The following PTPRG variants were observed in gnomAD, a reference collection of about 807,000 sequenced individuals.
PTPRG encodes receptor-type tyrosine-protein phosphatase gamma.
Under a neutral mutation model 165.3 loss-of-function variants are expected in PTPRG, and 102 were observed. That is an observed-to-expected ratio of 0.62 (90% CI 0.53 to 0.73). The LOEUF (loss-of-function observed/expected upper bound fraction) is 0.73. Among genes scored for constraint, PTPRG ranks in the 30% least tolerant of loss-of-function variants. The pLI, the probability that PTPRG is intolerant of heterozygous loss-of-function variation, is 0.00. For missense variants in PTPRG, 1,866 were observed against 1,861.4 expected (o/e 1.00, Z -0.05); for synonymous variants, 675 against 669.5 (o/e 1.01, Z -0.13).
rs1176809812 is a variant in PTPRG, at chr3:62,245,600, C to T, written c.2467+1702C>T. Among the ~76,000 whole-genome samples, 1 of 152,146 alleles carries T rather than the reference C, an allele frequency of 6.6e-6. No homozygotes were observed. Among genetic ancestry groups the T allele is most frequent in the African/African-American group, 2.4e-5 (1 of 41,454 alleles). On this transcript the variant is annotated intron_variant, in intron 15 of 29. Coordinates refer to ENST00000474889, the MANE Select transcript of PTPRG (RefSeq NM_002841.4). This position sits in a 1 kb window ranked among gnomAD's most constrained non-coding sequence, Gnocchi z 4.2. ...AAATCTTTGTTCAGTGCCTTCACCT[C>T]TCTGAACCTTAGTTTCCAGAATCTG...
intron 2 of PTPRG, among the ~76,000 whole-genome samples, chr3:61,886,961 G>A (rs543303517): frequency 2.7e-5 from 4 of 150,480 alleles, no homozygotes; most frequent in South Asian, 2.1e-4. Flanking sequence ...GTCAAACAGC[G>A]CACAGTGTTC....
chr3:61,841,013 C>G (rs896952953), intron 2 of PTPRG, among the ~76,000 whole-genome samples: 2 of 152,030 alleles, frequency 1.3e-5, no homozygotes, highest in East Asian at 1.9e-4. Flanking sequence ...AACTCCTGAC[C>G]TCAAGTGATC....
chr3:62,085,269 AG>A (rs2106777947), intron 5 of PTPRG, among the ~76,000 whole-genome samples: 1 of 152,348 alleles, frequency 6.6e-6, no homozygotes, highest in African/African-American at 2.4e-5. Flanking sequence ...TCACCCAAAA[AG>A]GTTGCTGTTT....
At chr3:61,714,329 G>T (rs1001572856) in intron 1 of PTPRG, among the ~76,000 whole-genome samples, 1 of 152,160 alleles carries the variant, frequency 6.6e-6, no homozygotes, top group African/African-American at 2.4e-5. Context: ...CTCCCTTGTA[G>T]TTAGCCATGG....
At chr3:61,676,989 G>A (rs1183840897) in intron 1 of PTPRG, among the ~76,000 whole-genome samples, 2 of 152,178 alleles carry the variant, frequency 1.3e-5, no homozygotes, top group East Asian at 3.9e-4. Flanking sequence ...GCTCAGGCCT[G>A]TAATCCCAGC....
chr3:61,944,503 T>C (rs1575810606), intron 2 of PTPRG, among the ~76,000 whole-genome samples: 1 of 152,218 alleles, frequency 6.6e-6, no homozygotes, highest in East Asian at 1.9e-4. Flanking sequence ...TAGATGAAGG[T>C]GAATTTAAGT....
chr3:61,763,399 G>A lies in PTPRG; in HGVS notation c.190+14417G>A, dbSNP rs113849983. Among the ~76,000 whole-genome samples, 1,337 of 151,758 alleles carry A rather than the reference G, an allele frequency of 8.8e-3. 10 individuals carry two copies. Among genetic ancestry groups the A allele is most frequent in the Non-Finnish European group, 0.015 (985 of 67,900 alleles). Reference sequence around the variant, plus strand: ...ATTACAGGCGCGCACCACTACACCCGGCTAATTTTTGTATTTTTAGTAGAG... The same window carrying A: ...ATTACAGGCGCGCACCACTACACCCAGCTAATTTTTGTATTTTTAGTAGAG... On this transcript the variant is annotated intron_variant, in intron 2 of 29. Coordinates refer to ENST00000474889, the MANE Select transcript of PTPRG (RefSeq NM_002841.4).
chr3:62,263,982 C>T (rs1701778834), intron 17 of PTPRG: 2 of 152,270 alleles, frequency 1.3e-5, no homozygotes, highest in African/African-American at 2.4e-5. Context: ...CCTGTCTCTA[C>T]TAAAAATACA....
At chr3:62,272,085 A>T (rs1215453022) in intron 21 of PTPRG, among the ~76,000 whole-genome samples, 1 of 152,044 alleles carries the variant, frequency 6.6e-6, no homozygotes, top group Non-Finnish European at 1.5e-5. Flanking sequence ...ATGATAGAGC[A>T]AGATCATGAC....
At chr3:62,234,529 G>A (rs1189522682) in intron 14 of PTPRG, among the ~76,000 whole-genome samples, 1 of 151,892 alleles carries the variant, frequency 6.6e-6, no homozygotes, top group African/African-American at 2.4e-5. Flanking sequence ...CCTCATAGGT[G>A]AAAAAGAAAC....
At chr3:61,807,847 G>T (rs1029207486) in intron 2 of PTPRG, among the ~76,000 whole-genome samples, 1 of 151,992 alleles carries the variant, frequency 6.6e-6, no homozygotes, top group Non-Finnish European at 1.5e-5. Context: ...TCTTGTTCCT[G>T]CAAAGCAGCT....
chr3:61,677,079 T>C (rs1423527964), intron 1 of PTPRG, among the ~76,000 whole-genome samples: 1 of 151,986 alleles, frequency 6.6e-6, no homozygotes, highest in Non-Finnish European at 1.5e-5. Flanking sequence ...ACCCCATCTC[T>C]ACTAAAAATA....
intron 4 of PTPRG, among the ~76,000 whole-genome samples, chr3:62,073,331 A>G (rs1248055153): frequency 2.6e-5 from 4 of 152,216 alleles, no homozygotes; most frequent in Non-Finnish European, 5.9e-5. Context: ...CTCTCTACAA[A>G]ATACTTTTTA....
intron 1 of PTPRG, among the ~76,000 whole-genome samples, chr3:61,667,299 C>T (rs1326819138): frequency 6.6e-6 from 1 of 152,126 alleles, no homozygotes; most frequent in Non-Finnish European, 1.5e-5. Context: ...ACATTTTCTG[C>T]TTTTAAGATG....
chr3:62,207,054 A>G (rs562344929), intron 12 of PTPRG, among the ~76,000 whole-genome samples: 2 of 152,192 alleles, frequency 1.3e-5, no homozygotes, highest in Non-Finnish European at 2.9e-5. Flanking sequence ...GAAAATTTCA[A>G]GCAGTTCAAG....
At position 61,942,446 on chromosome 3, in the gene PTPRG, A is replaced by G. The variant is rs557616755; in HGVS notation, c.191-47179A>G. On this transcript the variant is annotated intron_variant, in intron 2 of 29. Transcript: ENST00000474889. The stretch of plus-strand genomic sequence containing the variant: ...CCATTCACTCATGTGAGTGTACCCC[A>G]TGGCCCTTTTTTCATTTTGTCTATA... 1.4e-4 allele frequency among the ~76,000 whole-genome samples: 22 copies of G among 152,302 alleles called. No individual in the cohort carries two copies. The South Asian group carries it at 4.6e-3, about 32-fold the overall frequency.
intron 2 of PTPRG, among the ~76,000 whole-genome samples, chr3:61,921,503 C>G (rs1480014494): frequency 6.6e-6 from 1 of 152,062 alleles, no homozygotes; most frequent in Non-Finnish European, 1.5e-5. Context: ...AGCATGGTAT[C>G]AAAGTGGAAA....
intron 5 of PTPRG, among the ~76,000 whole-genome samples, chr3:62,115,079 G>C (rs949413284): frequency 2.0e-5 from 3 of 152,200 alleles, no homozygotes; most frequent in Non-Finnish European, 4.4e-5. Context: ...TTAAAGCTCA[G>C]ATTTTCAGGT....
chr3:61,830,459 G>A (rs1171845882), intron 2 of PTPRG, among the ~76,000 whole-genome samples: 2 of 151,936 alleles, frequency 1.3e-5, no homozygotes, highest in Non-Finnish European at 2.9e-5. Context: ...AAACTTTAGG[G>A]GCTTCTCCAG....
Sources: gnomAD v4.1 joint callset for allele counts (sites outside exome capture counted in the v4.1 genomes callset) on GRCh38, gnomAD v4.1.1 for gene constraint, Gnocchi (gnomAD v3.1) non-coding constraint, MANE v1.5 for transcripts, NCBI Gene and HGNC (gene_info 2026-07-23, HGNC 2026-07-21) for gene names.